The following SUPT5H variants were observed in gnomAD, a reference collection of about 807,000 sequenced individuals.
SUPT5H encodes transcription elongation factor SPT5.
In SUPT5H, 24 loss-of-function variants were observed where a neutral mutation model predicts 142.5. That is an observed-to-expected ratio of 0.17 (90% CI 0.12 to 0.24). The LOEUF (loss-of-function observed/expected upper bound fraction) is 0.24, where lower values mean the gene tolerates loss of function less well. Among genes scored for constraint, SUPT5H ranks in the 10% least tolerant of loss-of-function variants. SUPT5H has a pLI of 1.00. For missense variants in SUPT5H, 893 were observed against 1,471.8 expected (o/e 0.61, Z 6.43); for synonymous variants, 546 against 553.0 (o/e 0.99, Z 0.18).
At chr19:39,459,449 T>C in intron 8 of SUPT5H, 110 bp from the exon 9 acceptor site, 1 of 1,453,968 alleles carries the variant, frequency 6.9e-7, no homozygotes, top group Non-Finnish European at 9.6e-7. Flanking sequence ...TCAGTGAGTG[T>C]GAGGGAACCT....
Position 39,472,732 on chromosome 19 carries a change from A to G in SUPT5H, c.2036-78A>G, listed in dbSNP as rs1298354877. 3 of 1,532,504 alleles carry G rather than the reference A, an allele frequency of 2.0e-6. No homozygotes were observed. In the African/African-American group the frequency reaches 4.1e-5, roughly 21 times the overall value. The allele number at this position is 1,532,504 out of a possible 1,614,324, so 94.9% of individuals were successfully genotyped here. ...AACCCAAGTAGGGAGGAGTCAAGCA[A>G]GTGAAGGGGACGTTCTGATGGTGCC... On this transcript the variant is annotated intron_variant, in intron 21 of 29. Transcript: ENST00000432763. The surrounding 1 kb of genome is among the most constrained non-coding windows in gnomAD (Gnocchi z 4.2).
intron 3 of SUPT5H, among the ~76,000 whole-genome samples, chr19:39,454,504 C>G (rs1291350991): frequency 6.6e-6 from 1 of 152,052 alleles, no homozygotes; most frequent in African/African-American, 2.4e-5. Context: ...GCCACCATGC[C>G]TGGCTAATTT....
At position 39,474,475 on chromosome 19, in the gene SUPT5H, A is replaced by G; in HGVS notation, c.2821-40A>G. On this transcript the variant is annotated intron_variant, in intron 27 of 29. Transcript: ENST00000432763. This position sits in a 1 kb window ranked among gnomAD's most constrained non-coding sequence, Gnocchi z 6.5. Reference sequence around the variant, plus strand: ...TTGGGCATATAGGGTCGGCCAGGCCAGATGACTATTCCCAATGACACTTCC... The same window carrying G: ...TTGGGCATATAGGGTCGGCCAGGCCGGATGACTATTCCCAATGACACTTCC... The G allele has an allele frequency of 2.5e-6, 4 of 1,612,690 alleles. No homozygotes were observed. Among genetic ancestry groups the G allele is most frequent in the South Asian group, 1.1e-5 (1 of 91,018 alleles).
rs1362648134 is a variant in SUPT5H, at chr19:39,470,805, C to T, written c.1677+282C>T. 1.3e-5 allele frequency among the ~76,000 whole-genome samples: 2 copies of T among 152,196 alleles called. No homozygotes were observed. The highest frequency in any genetic ancestry group is 6.5e-5 in the Admixed American group (1 of 15,282). ...TGTACCCTGGTGGCTGTTGCTCGCT[C>T]AAGGATGGAGTGCCACATGTGCCCT... is the stretch of plus-strand genomic sequence containing the variant. On this transcript the variant is annotated intron_variant, in intron 18 of 29. Coordinates refer to ENST00000432763, the MANE Select transcript of SUPT5H (RefSeq NM_001111020.3). The surrounding 1 kb of genome is among the most constrained non-coding windows in gnomAD (Gnocchi z 5.8).
intron 10 of SUPT5H, among the ~76,000 whole-genome samples, chr19:39,462,988 C>T (rs1202437675): frequency 6.7e-6 from 1 of 149,268 alleles, no homozygotes; most frequent in Non-Finnish European, 1.5e-5. Context: ...TACAGGCACC[C>T]ACCACCATGC....
chr19:39,470,185 A>G lies in SUPT5H; in HGVS notation c.1441A>G (p.Ile481Val), dbSNP rs1425785145. The change falls in exon 17 of 30, where the codon ATT (isoleucine) becomes GTT (valine). Residue 481 changes from isoleucine to valine, a missense_variant. By Grantham distance (29) the Ile-to-Val change is conservative. Coordinates refer to ENST00000432763, the MANE Select transcript of SUPT5H (RefSeq NM_001111020.3). The surrounding 1 kb of genome is among the most constrained non-coding windows in gnomAD (Gnocchi z 5.8). ...YFKMGDHVKV[I>V]AGRFEGDTGL... ...CAAGATGGGGGACCACGTGAAGGTG[A>G]TTGCTGGCCGATTCGAGGGCGACAC... The G allele has an allele frequency of 3.7e-5, 60 of 1,611,804 alleles. No individual in the cohort carries two copies. Among genetic ancestry groups the G allele is most frequent in the Non-Finnish European group, 4.9e-5 (58 of 1,178,780 alleles).
At chr19:39,452,635 G>T (rs1219900908) in intron 2 of SUPT5H, among the ~76,000 whole-genome samples, 4 of 152,178 alleles carry the variant, frequency 2.6e-5, no homozygotes, top group Non-Finnish European at 5.9e-5. Flanking sequence ...GTGTGGACTA[G>T]AAACAGAGAT....
intron 11 of SUPT5H, 121 bp downstream of exon 11, chr19:39,465,170 A>C: frequency 7.1e-7 from 1 of 1,411,216 alleles, no homozygotes; most frequent in Non-Finnish European, 9.6e-7. Context: ...GATGAGTTGA[A>C]GCAGAGCCTG....
rs746042365 is a variant in SUPT5H, at chr19:39,471,736, G to A, written c.1950+6G>A. 2 of 1,613,156 alleles carry A rather than the reference G, an allele frequency of 1.2e-6. No individual in the cohort carries two copies. The highest frequency in any genetic ancestry group is 8.5e-7 in the Non-Finnish European group (1 of 1,179,530). On this transcript the variant is annotated splice_donor_region_variant and intron_variant, in intron 20 of 29. Transcript: ENST00000432763. ...TGCTGGCTGGGGGCTCAAAGGTGAG[G>A]TGGGCATGGCAGGACCCTGTGCGTT...
chr19:39,463,621 G>A (rs552089621), intron 10 of SUPT5H, among the ~76,000 whole-genome samples: 17 of 152,286 alleles, frequency 1.1e-4, no homozygotes, highest in Admixed American at 9.2e-4. Flanking sequence ...CGCTTAATAA[G>A]TGGAAAGTGA....
intron 3 of SUPT5H, 114 bp from the exon 4 acceptor site, chr19:39,457,561 C>T (rs1344770671): frequency 2.2e-5 from 34 of 1,534,438 alleles, no homozygotes; most frequent in Non-Finnish European, 2.9e-5. Flanking sequence ...GCCTCAGTGT[C>T]CTGCTCTGTG....
At chr19:39,452,532 G>A (rs748237779) in intron 2 of SUPT5H, among the ~76,000 whole-genome samples, 2 of 152,146 alleles carry the variant, frequency 1.3e-5, no homozygotes. Flanking sequence ...TCCAGGGAGG[G>A]CATGGTTGGG....
chr19:39,458,684 G>C lies in SUPT5H; in HGVS notation c.320-134G>C. 1 of 839,896 alleles carries C rather than the reference G, an allele frequency of 1.2e-6. No homozygotes were observed. Among genetic ancestry groups the C allele is most frequent in the East Asian group, 2.7e-5 (1 of 37,696 alleles). The allele number at this position is 839,896 out of a possible 1,614,324, so 52.0% of individuals were successfully genotyped here. ...AGGACAGAGTAGGGGATGAGGGGTT[G>C]GGATTTCCTCTGTGAGATGTCATCT... On this transcript the variant is annotated intron_variant, in intron 5 of 29. Coordinates refer to ENST00000432763, the MANE Select transcript of SUPT5H (RefSeq NM_001111020.3). This position sits in a 1 kb window ranked among gnomAD's most constrained non-coding sequence, Gnocchi z 4.2.
chr19:39,456,407 T>TTG (rs1568421870), intron 3 of SUPT5H, among the ~76,000 whole-genome samples: 35 of 147,248 alleles, frequency 2.4e-4, no homozygotes, highest in Middle Eastern at 3.5e-3. Flanking sequence ...ACTGTTTTTT[T>TTG]TTGTTGTTGT....
intron 28 of SUPT5H, chr19:39,475,768 G>T: frequency 2.9e-6 from 1 of 349,240 alleles, no homozygotes; most frequent in East Asian, 6.2e-5. Flanking sequence ...GGCGGTCCCT[G>T]AGACCAGGTC....
chr19:39,466,752 G>A lies in SUPT5H; in HGVS notation c.1037+7G>A. 1 of 1,614,190 alleles carries A rather than the reference G, an allele frequency of 6.2e-7. No homozygotes were observed. Among genetic ancestry groups the A allele is most frequent in the Non-Finnish European group, 8.5e-7 (1 of 1,180,020 alleles). On this transcript the variant is annotated splice_region_variant and intron_variant, in intron 13 of 29. Transcript: ENST00000432763. The surrounding 1 kb of genome is among the most constrained non-coding windows in gnomAD (Gnocchi z 4.3). ...TTGATGCTGAGAAGATCAGGTGCGT[G>A]TCCTTGGGGACTGGCTGGGCTGGGT...
chr19:39,453,754 A>T (rs1000624804), intron 3 of SUPT5H, among the ~76,000 whole-genome samples: 1 of 151,984 alleles, frequency 6.6e-6, no homozygotes, highest in Non-Finnish European at 1.5e-5. Context: ...TTTAGTGGAG[A>T]CGGGGTTTCA....
At chr19:39,468,923 C>T (rs961903284) in intron 14 of SUPT5H, 62 bp downstream of exon 14, 4 of 1,566,124 alleles carry the variant, frequency 2.6e-6, no homozygotes, top group Non-Finnish European at 3.5e-6. Context: ...GCAGGTGATG[C>T]CCTGGGCTGT....
intron 9 of SUPT5H, 122 bp from the exon 10 acceptor site, chr19:39,459,770 A>G: frequency 8.0e-7 from 1 of 1,253,718 alleles, no homozygotes; most frequent in Non-Finnish European, 1.2e-6. Flanking sequence ...CTGGCTGTCC[A>G]TCCTTCTTTC....
Sources: allele counts gnomAD v4.1 joint callset (sites outside exome capture counted in the v4.1 genomes callset), GRCh38; gene constraint gnomAD v4.1.1; non-coding constraint Gnocchi (gnomAD v3.1); transcripts MANE v1.5; gene names NCBI Gene and HGNC (gene_info 2026-07-23, HGNC 2026-07-21).